Variants in RBMX observed in about 807,000 individuals in gnomAD.
The protein encoded by RBMX is RNA binding motif protein X-linked.
A neutral mutation model predicts 29.3 loss-of-function variants in RBMX; 1 was observed. The observed-to-expected ratio is 0.03, with a 90% CI of 0.01 to 0.16. RBMX has a LOEUF of 0.16. RBMX is among the 10% of genes least tolerant of loss of function. The pLI, the probability that RBMX is intolerant of heterozygous loss-of-function variation, is 1.00. For missense variants in RBMX, 121 were observed against 333.2 expected (o/e 0.36, Z 4.96); for synonymous variants, 102 against 102.3 (o/e 1.00, Z 0.02).
chrX:136,872,241 TC>T, downstream of RBMX: 1 of 1,083,400 alleles, frequency 9.2e-7, no homozygotes, highest in African/African-American at 1.8e-5. Context: ...ATTTAAACCT[TC>T]AAAGGCCATT....
chrX:136,878,919 A>C lies in RBMX; in HGVS notation c.216+98T>G, dbSNP rs1432156826. 4.0e-5 allele frequency: 43 copies of C among 1,084,861 alleles called. No individual in the cohort carries two copies. The Admixed American group carries it at 1.2e-3, about 30-fold the overall frequency. The allele number at this position is 1,084,861 out of a possible 1,213,427, so 89.4% of individuals were successfully genotyped here. On this transcript the variant is annotated intron_variant, in intron 3 of 8. Coordinates refer to ENST00000320676, the MANE Select transcript of RBMX (RefSeq NM_002139.4). ...CCCAGACAGGTATATACTGAAAAACAACGAAAACTCAAAAGCTGTCCTAGA... is the reference window on the plus strand; with the variant it reads ...CCCAGACAGGTATATACTGAAAAACCACGAAAACTCAAAAGCTGTCCTAGA...
intron 3 of RBMX, among the ~76,000 whole-genome samples, chrX:136,878,778 C>A (rs1429855822): frequency 9.3e-6 from 1 of 107,257 alleles, no homozygotes; most frequent in Non-Finnish European, 1.9e-5. Context: ...CATGTAATGC[C>A]ATAATTATTC....
At chrX:136,878,677 A>G (rs2077764256) in intron 3 of RBMX, among the ~76,000 whole-genome samples, 3 of 74,349 alleles carry the variant, frequency 4.0e-5, no homozygotes, top group Non-Finnish European at 7.6e-5. Flanking sequence ...ATCGCTTAGA[A>G]CTCGGGAGAC....
downstream of RBMX, among the ~76,000 whole-genome samples, chrX:136,871,114 G>C (rs1471461345): frequency 1.0e-5 from 1 of 99,211 alleles, no homozygotes; most frequent in Non-Finnish European, 2.0e-5. Context: ...AACTGTCTCA[G>C]AAGAGAAGAA....
chrX:136,876,699 T>A, intron 4 of RBMX, 44 bp from the exon 5 acceptor site: 3 of 964,242 alleles, frequency 3.1e-6, no homozygotes, highest in Non-Finnish European at 4.2e-6. Context: ...CTCACAAGAA[T>A]CAAGAAAGAT....
At chrX:136,870,086 G>T (rs2077675999), downstream of RBMX, 1 of 112,374 alleles carries the variant, frequency 8.9e-6, no homozygotes, top group African/African-American at 3.2e-5. Flanking sequence ...TTCAACTTAA[G>T]TTCTAAATTG....
rs775596975 is a variant in RBMX, at chrX:136,878,335, T to C, written c.217-249A>G. 9.0e-5 allele frequency among the ~76,000 whole-genome samples: 10 copies of C among 111,387 alleles called. No individual in the cohort carries two copies. In the South Asian group the frequency reaches 1.1e-3, roughly 13 times the overall value. ...AAGGTGAACCCACTGCATTATTGTA[T>C]GGTAAAATTTAAAACAAGGCCAAGT... On this transcript the variant is annotated intron_variant, in intron 3 of 8. Transcript: ENST00000320676.
downstream of RBMX, among the ~76,000 whole-genome samples, chrX:136,870,570 C>T (rs1296223060): frequency 3.6e-5 from 4 of 111,178 alleles, no homozygotes; most frequent in Admixed American, 2.9e-4. Flanking sequence ...CAGTGGCTCA[C>T]GCTTGTAATC....
chrX:136,879,245 G>A (rs202181574), intron 2 of RBMX, 74 bp downstream of exon 2: 16 of 1,189,706 alleles, frequency 1.3e-5, no homozygotes, highest in East Asian at 5.9e-5. Flanking sequence ...CATGTCAGAC[G>A]ATCAATGCAA....
At chrX:136,876,021 C>T (rs369314631) in intron 5 of RBMX, among the ~76,000 whole-genome samples, 4 of 109,777 alleles carry the variant, frequency 3.6e-5, no homozygotes, top group Admixed American at 9.7e-5. Flanking sequence ...AGACTGGCCT[C>T]GAACTCCGGG....
At chrX:136,876,743 T>C in intron 4 of RBMX, 88 bp from the exon 5 acceptor site, 1 of 833,074 alleles carries the variant, frequency 1.2e-6, no homozygotes, top group Non-Finnish European at 1.6e-6. Flanking sequence ...AGAGTCTCAC[T>C]GTCGCCCAGG....
Position 136,874,248 on chromosome X carries a change from T to C in RBMX, c.1070A>G (p.Tyr357Cys). Residue 357 changes from tyrosine (Y) to cysteine (C), a missense_variant, in exon 9 of 9, where the codon TAC (tyrosine) becomes TGC (cysteine). Tyr to Cys is a radical substitution (Grantham distance 194, BLOSUM62 -2). Coordinates refer to ENST00000320676, the MANE Select transcript of RBMX (RefSeq NM_002139.4). ...GCTGTAGGAATCACGTGGAGGAGGG[T>C]ACCCCCTTTCCATAGAAGGGGGAAG... The part of the protein sequence containing the change: ...RGLPPSMERG[Y>C]PPPRDSYSSS... 8.2e-7 allele frequency: 1 copy of C among 1,212,713 alleles called. No individual in the cohort carries two copies. The highest frequency in any genetic ancestry group is 3.0e-5 in the East Asian group (1 of 33,876).
At chrX:136,872,414 C>A, downstream of RBMX, 1 of 937,236 alleles carries the variant, frequency 1.1e-6, no homozygotes, top group Non-Finnish European at 1.5e-6. Flanking sequence ...TTGCCTATTA[C>A]TGCCCTCTTT....
At chrX:136,871,517 T>C (rs1386220743), downstream of RBMX, among the ~76,000 whole-genome samples, 1 of 111,384 alleles carries the variant, frequency 9.0e-6, no homozygotes, top group East Asian at 2.8e-4. Flanking sequence ...TAAAATTATG[T>C]TAAACAGGGA....
At chrX:136,878,808 G>C (rs1444818915) in intron 3 of RBMX, among the ~76,000 whole-genome samples, 1 of 107,962 alleles carries the variant, frequency 9.3e-6, no homozygotes, top group African/African-American at 3.4e-5. Context: ...AGAATGTTAC[G>C]AGCATAAGAT....
chrX:136,872,336 AATC>A, downstream of RBMX: 3 of 1,165,494 alleles, frequency 2.6e-6, no homozygotes, highest in Non-Finnish European at 3.4e-6. Context: ...TAATGAGCAA[AATC>A]ACCAACCTGC....
At chrX:136,871,718 C>T (rs747580521), downstream of RBMX, among the ~76,000 whole-genome samples, 3 of 108,352 alleles carry the variant, frequency 2.8e-5, no homozygotes, top group African/African-American at 1.0e-4. Flanking sequence ...GGCGTGATCT[C>T]GGCTCACTGC....
At chrX:136,871,638 T>C (rs920986452), downstream of RBMX, among the ~76,000 whole-genome samples, 1 of 108,621 alleles carries the variant, frequency 9.2e-6, no homozygotes, top group Non-Finnish European at 1.9e-5. Context: ...TTTTACAAAA[T>C]GCACTGAGCA....
At chrX:136,876,410 C>T (rs1381647686) in intron 5 of RBMX, 93 bp downstream of exon 5, 2 of 991,506 alleles carry the variant, frequency 2.0e-6, no homozygotes, top group African/African-American at 3.9e-5. Context: ...GCGTGAGCCA[C>T]CACGCCTGGC....
Sources: allele counts gnomAD v4.1 joint callset (sites outside exome capture counted in the v4.1 genomes callset), GRCh38; gene constraint gnomAD v4.1.1; transcripts MANE v1.5; gene names NCBI Gene and HGNC (gene_info 2026-07-23, HGNC 2026-07-21).